Variants in CIMIP2C observed in about 807,000 individuals in gnomAD.
The protein encoded by CIMIP2C is ciliary microtubule inner protein 2C, also known as UPF0573 protein C2orf70.
chr2:26,562,773 TG>T, the CIMIP2C span: 1 of 1,217,884 alleles, frequency 8.2e-7, no homozygotes, highest in Non-Finnish European at 1.2e-6. Flanking sequence ...CCCCGGACTT[TG>T]GGGTTGAAGG....
chr2:26,576,155 G>A, the CIMIP2C span: 1 of 1,613,854 alleles, frequency 6.2e-7, no homozygotes, highest in East Asian at 2.2e-5. Flanking sequence ...TCGCTCCACA[G>A]AGCTTACGAA....
the CIMIP2C span, among the ~76,000 whole-genome samples, chr2:26,564,844 C>T: frequency 1.3e-5 from 2 of 152,172 alleles, no homozygotes; most frequent in Non-Finnish European, 2.9e-5. Flanking sequence ...GCCCTGTCCC[C>T]TCCTGTTCCA....
the CIMIP2C span, among the ~76,000 whole-genome samples, chr2:26,575,235 A>G: frequency 6.6e-6 from 1 of 152,122 alleles, no homozygotes; most frequent in African/African-American, 2.4e-5. Context: ...GCGTGTTGGG[A>G]GGCTGCTGTG....
At chr2:26,576,043 C>T in the CIMIP2C span, 1 of 1,614,242 alleles carries the variant, frequency 6.2e-7, no homozygotes, top group Non-Finnish European at 8.5e-7. Flanking sequence ...ATTTCCCCAC[C>T]ATCTTCTCCA....
the CIMIP2C span, among the ~76,000 whole-genome samples, chr2:26,570,549 G>A: frequency 6.6e-6 from 1 of 152,346 alleles, no homozygotes; most frequent in East Asian, 1.9e-4. Context: ...CAGGTGCTAG[G>A]TACAGGGTGT....
the CIMIP2C span, among the ~76,000 whole-genome samples, chr2:26,574,765 C>A: frequency 6.6e-6 from 1 of 152,228 alleles, no homozygotes; most frequent in East Asian, 1.9e-4. Context: ...TCATCCAAAC[C>A]AACAGCAGCG....
the CIMIP2C span, among the ~76,000 whole-genome samples, chr2:26,576,935 C>G: frequency 1.3e-5 from 2 of 152,234 alleles, no homozygotes; most frequent in African/African-American, 2.4e-5. Flanking sequence ...TCTCCATCAC[C>G]TTCTCTCACA....
chr2:26,568,945 C>T, the CIMIP2C span, among the ~76,000 whole-genome samples: 3 of 151,074 alleles, frequency 2.0e-5, no homozygotes, highest in African/African-American at 7.3e-5. Flanking sequence ...CGCTTGAACC[C>T]GGGAGATGGA....
the CIMIP2C span, among the ~76,000 whole-genome samples, chr2:26,575,028 C>T: frequency 6.6e-6 from 1 of 152,262 alleles, no homozygotes; most frequent in Non-Finnish European, 1.5e-5. Context: ...CTCTCCCTTG[C>T]TTTGTTAAAA....
At chr2:26,579,398 A>T in the CIMIP2C span, 109 of 1,613,900 alleles carry the variant, frequency 6.8e-5, no homozygotes, top group African/African-American at 1.3e-3. Flanking sequence ...TCTCCACAGG[A>T]GCGGAAAAAG....
the CIMIP2C span, among the ~76,000 whole-genome samples, chr2:26,566,908 C>T: frequency 3.9e-5 from 6 of 152,288 alleles, no homozygotes; most frequent in South Asian, 1.0e-3. Context: ...TTTGTAGAGA[C>T]AGGGCTGCCC....
the CIMIP2C span, among the ~76,000 whole-genome samples, chr2:26,568,512 T>C: frequency 8.5e-5 from 13 of 152,184 alleles, no homozygotes; most frequent in Non-Finnish European, 1.6e-4. Context: ...TCCTGGAGAC[T>C]TGGGCTTTGC....
At chr2:26,566,789 A>T in the CIMIP2C span, among the ~76,000 whole-genome samples, 1 of 152,182 alleles carries the variant, frequency 6.6e-6, no homozygotes, top group Non-Finnish European at 1.5e-5. Context: ...GCACGATCAC[A>T]GCTCACTATA....
chr2:26,577,748 C>T, the CIMIP2C span: 1 of 729,952 alleles, frequency 1.4e-6, no homozygotes, highest in Non-Finnish European at 2.3e-6. Context: ...TGCCCTAAAA[C>T]GTGCAGTGCA....
the CIMIP2C span, among the ~76,000 whole-genome samples, chr2:26,571,035 A>G: frequency 2.1e-3 from 325 of 152,232 alleles, 2 homozygotes; most frequent in African/African-American, 7.4e-3. Context: ...GAGGAAGAGC[A>G]GTTTCAGTGG....
At chr2:26,577,564 C>T in the CIMIP2C span, 1 of 1,614,024 alleles carries the variant, frequency 6.2e-7, no homozygotes, top group Non-Finnish European at 8.5e-7. Flanking sequence ...GGGCACAGTG[C>T]CTCGAGTCCC....
At chr2:26,568,985 C>T in the CIMIP2C span, among the ~76,000 whole-genome samples, 3 of 150,008 alleles carry the variant, frequency 2.0e-5, no homozygotes, top group East Asian at 3.9e-4. Flanking sequence ...CCATTGCACT[C>T]CAGCCTGGGT....
the CIMIP2C span, among the ~76,000 whole-genome samples, chr2:26,571,808 G>C: frequency 6.6e-6 from 1 of 152,156 alleles, no homozygotes; most frequent in Non-Finnish European, 1.5e-5. Context: ...GGACTAGATG[G>C]AGGAGTGAAT....
the CIMIP2C span, chr2:26,576,258 G>C: frequency 2.0e-4 from 298 of 1,474,638 alleles, no homozygotes; most frequent in Non-Finnish European, 2.5e-4. Flanking sequence ...CCAGGGGCCA[G>C]GGGGAGACCT....
Sources: gnomAD v4.1 joint callset for allele counts (sites outside exome capture counted in the v4.1 genomes callset) on GRCh38, gnomAD v4.1.1 for gene constraint, MANE v1.5 for transcripts, NCBI Gene and HGNC (gene_info 2026-07-23, HGNC 2026-07-21) for gene names.